The following NDUFAF7 variants were observed in gnomAD, a reference collection of about 807,000 sequenced individuals.
NDUFAF7 encodes protein arginine methyltransferase NDUFAF7, mitochondrial.
NDUFAF7 carries 48 observed loss-of-function variants against 47.2 expected under a neutral mutation model. That is an observed-to-expected ratio of 1.02 (90% confidence interval 0.81 to 1.29). The LOEUF (loss-of-function observed/expected upper bound fraction) is 1.29. Ranked by LOEUF, NDUFAF7 falls within the 50% of genes most tolerant of loss-of-function variation. NDUFAF7 has a pLI of 0.00. For missense variants in NDUFAF7, 635 were observed against 537.6 expected (o/e 1.18, Z -1.79); for synonymous variants, 217 against 190.0 (o/e 1.14, Z -1.17).
In NDUFAF7 at chr2:37,248,475, G is replaced by T; in HGVS notation, c.*125G>T. The stretch of plus-strand genomic sequence containing the variant: ...TCTTTTCACAGCAAGAACAGTCCAT[G>T]TTGTATATAATACAACCAACATTAT... On this transcript the variant is annotated 3_prime_UTR_variant, in exon 10 of 10. Coordinates refer to ENST00000002125, the MANE Select transcript of NDUFAF7 (RefSeq NM_144736.5). The T allele has an allele frequency of 1.0e-6, 1 of 953,680 alleles. No homozygotes were observed. Among genetic ancestry groups the T allele is most frequent in the Non-Finnish European group, 1.7e-6 (1 of 604,924 alleles). The allele number at this position is 953,680 out of a possible 1,614,324, so 59.1% of individuals were successfully genotyped here. A position where few individuals can be genotyped will look rare whatever the true frequency, so the allele number is the denominator to read the frequency against.
chr2:37,257,046 G>C, downstream of NDUFAF7: 1 of 1,116,926 alleles, frequency 9.0e-7, no homozygotes, highest in Non-Finnish European at 1.3e-6. Context: ...TACTGATTAT[G>C]AATATTAATC....
In NDUFAF7 at chr2:37,248,979, T is replaced by G. The variant is rs1243867743; in HGVS notation, c.*629T>G. 6.5e-6 allele frequency: 1 copy of G among 153,708 alleles called. No homozygotes were observed. Among genetic ancestry groups the G allele is most frequent in the African/African-American group, 2.4e-5 (1 of 41,442 alleles). The allele number at this position is 153,708 out of a possible 1,614,324, so 9.5% of individuals were successfully genotyped here. ...AAATGGGAAACAGACTAAATGGCTATTCACAGGAAACTGATAAGATATATG... is the reference window on the plus strand; with the variant it reads ...AAATGGGAAACAGACTAAATGGCTAGTCACAGGAAACTGATAAGATATATG... On this transcript the variant is annotated 3_prime_UTR_variant, in exon 10 of 10. Transcript: ENST00000002125.
downstream of NDUFAF7, among the ~76,000 whole-genome samples, chr2:37,254,670 C>T (rs2148473558): frequency 6.6e-6 from 1 of 152,250 alleles, no homozygotes; most frequent in Non-Finnish European, 1.5e-5. Context: ...CAGTGCTTAG[C>T]ACATAAGTGC....
At chr2:37,268,800 T>G in the NDUFAF7 span, 1 of 154,416 alleles carries the variant, frequency 6.5e-6, no homozygotes. Context: ...GATCTGAGGC[T>G]AGAGAAGCAG....
At chr2:37,263,150 T>G in the NDUFAF7 span, among the ~76,000 whole-genome samples, 45 of 152,314 alleles carry the variant, frequency 3.0e-4, no homozygotes, top group African/African-American at 1.0e-3. Context: ...TTTCATTCTT[T>G]CTTGCTTAAT....
chr2:37,253,600 T>C (rs967909155), downstream of NDUFAF7, among the ~76,000 whole-genome samples: 10 of 152,208 alleles, frequency 6.6e-5, no homozygotes, highest in African/African-American at 2.4e-4. Context: ...AAAAATTTGC[T>C]TCAGGCTTCT....
chr2:37,253,475 A>AT (rs1667680718), downstream of NDUFAF7: 1 of 723,348 alleles, frequency 1.4e-6, no homozygotes, highest in Non-Finnish European at 2.2e-6. Flanking sequence ...GGCGCTACTC[A>AT]TAAGTATCTA....
downstream of NDUFAF7, chr2:37,254,312 A>C: frequency 6.3e-7 from 1 of 1,593,560 alleles, no homozygotes; most frequent in Non-Finnish European, 8.6e-7. Flanking sequence ...ACAAAACAAG[A>C]TACATGAATT....
chr2:37,244,931 C>T (rs201232612), intron 7 of NDUFAF7, among the ~76,000 whole-genome samples: 1 of 152,032 alleles, frequency 6.6e-6, no homozygotes, highest in Admixed American at 6.6e-5. Context: ...AGGGAGGGAG[C>T]GAATATTCTC....
At chr2:37,260,471 G>GC in the NDUFAF7 span, 1 of 1,229,060 alleles carries the variant, frequency 8.1e-7, no homozygotes, top group South Asian at 1.3e-5. Context: ...GTCTGAAATG[G>GC]CACAGAAAGA....
At chr2:37,249,558 G>GACACACACACACACACACACACACACAC (rs56374800), downstream of NDUFAF7, among the ~76,000 whole-genome samples, 2 of 128,420 alleles carry the variant, frequency 1.6e-5, no homozygotes, top group African/African-American at 6.6e-5. Context: ...GCCTGTGATA[G>GACACACACACACACACACACACACACAC]ACACACACAC....
chr2:37,253,654 C>T (rs1486517763), downstream of NDUFAF7, among the ~76,000 whole-genome samples: 5 of 152,096 alleles, frequency 3.3e-5, no homozygotes, highest in Admixed American at 1.3e-4. Context: ...TTCTATACAA[C>T]GTGAGGCCTA....
Position 37,247,501 on chromosome 2 carries a change from A to G in NDUFAF7, c.982A>G (p.Thr328Ala). The G allele has an allele frequency of 1.2e-6, 2 of 1,614,094 alleles. No individual in the cohort carries two copies. Among genetic ancestry groups the G allele is most frequent in the Non-Finnish European group, 1.7e-6 (2 of 1,179,980 alleles). ...TCATGATGTCTTAATTGCCCCAGGA[A>G]CAGCAGATCTAACAGCTGATGTGGA... ...KLHDVLIAPG[T>A]ADLTADVDFS... The change falls in exon 9 of 10, where the codon ACA becomes GCA. Residue 328 changes from threonine (T) to alanine (A), a missense_variant. Physicochemically the swap from Thr to Ala is moderately conservative, Grantham distance 58 (BLOSUM62 0). Coordinates refer to ENST00000002125, the MANE Select transcript of NDUFAF7 (RefSeq NM_144736.5).
chr2:37,249,015 A>T lies in NDUFAF7; in HGVS notation c.*665A>T, dbSNP rs80283999. On this transcript the variant is annotated 3_prime_UTR_variant, in exon 10 of 10. Coordinates refer to ENST00000002125, the MANE Select transcript of NDUFAF7 (RefSeq NM_144736.5). ...CTGATAAGATATATGTTATTTTTTT[A>T]AATGAGCTAGGGCAATATGTTTTGA... 0.044 allele frequency: 6,759 copies of T among 152,592 alleles called. 163 individuals are homozygous for T. Among genetic ancestry groups the T allele is most frequent in the African/African-American group, 0.051 (2,130 of 41,562 alleles). The allele number at this position is 152,592 out of a possible 1,614,324, so 9.5% of individuals were successfully genotyped here.
chr2:37,247,310 T>C, intron 8 of NDUFAF7, 146 bp from the exon 9 acceptor site: 1 of 939,360 alleles, frequency 1.1e-6, no homozygotes, highest in Non-Finnish European at 1.7e-6. Flanking sequence ...AAACACTGCC[T>C]AGGTGTTCCC....
Position 37,248,477 on chromosome 2 carries a change from T to A in NDUFAF7, c.*127T>A. 1 of 925,198 alleles carries A rather than the reference T, an allele frequency of 1.1e-6. No homozygotes were observed. The highest frequency in any genetic ancestry group is 1.7e-6 in the Non-Finnish European group (1 of 579,998). 57.3% of individuals were successfully genotyped at this position (925,198 alleles called of 1,614,324 possible). On this transcript the variant is annotated 3_prime_UTR_variant, in exon 10 of 10. Coordinates refer to ENST00000002125, the MANE Select transcript of NDUFAF7 (RefSeq NM_144736.5). The stretch of plus-strand genomic sequence containing the variant: ...TTTTCACAGCAAGAACAGTCCATGT[T>A]GTATATAATACAACCAACATTATAG...
chr2:37,256,626 A>G (rs1667963251), downstream of NDUFAF7: 1 of 1,302,622 alleles, frequency 7.7e-7, no homozygotes, highest in South Asian at 1.5e-5. Flanking sequence ...CACATAGCCA[A>G]AATTTTTTTT....
intron 6 of NDUFAF7, among the ~76,000 whole-genome samples, chr2:37,243,575 T>C (rs1666582457): frequency 6.6e-6 from 1 of 152,230 alleles, no homozygotes; most frequent in Non-Finnish European, 1.5e-5. Flanking sequence ...TAGTAATTTG[T>C]TAGTAAAGCT....
At position 37,232,101 on chromosome 2, in the gene NDUFAF7, C is replaced by T. The variant is rs1369642300; in HGVS notation, c.56-5C>T. 5 of 1,614,098 alleles carry T rather than the reference C, an allele frequency of 3.1e-6. No individual in the cohort carries two copies. In the Admixed American group the frequency reaches 8.3e-5, roughly 27 times the overall value. ...TGGGGTCTGTTTAATTTGTGTTTTT[C>T]GCAGCCATTCCTTTTATTTGGAGAG... On this transcript the variant is annotated splice_region_variant and splice_polypyrimidine_tract_variant and intron_variant, in intron 1 of 9. Transcript: ENST00000002125.
Sources: allele counts gnomAD v4.1 joint callset (sites outside exome capture counted in the v4.1 genomes callset), GRCh38; gene constraint gnomAD v4.1.1; transcripts MANE v1.5; gene names NCBI Gene and HGNC (gene_info 2026-07-23, HGNC 2026-07-21).